The following CBL variants were observed in gnomAD, a reference collection of about 807,000 sequenced individuals.
CBL encodes Cbl proto-oncogene.
A neutral mutation model predicts 96.9 loss-of-function variants in CBL; 45 were observed. That is an observed-to-expected ratio of 0.46 (90% confidence interval 0.37 to 0.60). CBL has a LOEUF of 0.60. Among genes scored for constraint, CBL ranks in the 20% least tolerant of loss-of-function variants. CBL has a pLI of 0.00. For missense variants in CBL, 1,024 were observed against 1,143.5 expected (o/e 0.90, Z 1.51); for synonymous variants, 420 against 426.8 (o/e 0.98, Z 0.20).
At chr11:119,278,042 C>A in intron 7 of CBL, 124 bp from the exon 8 acceptor site, 1 of 948,084 alleles carries the variant, frequency 1.1e-6, no homozygotes, top group Non-Finnish European at 1.6e-6. Flanking sequence ...AAAAATAAAC[C>A]ACTGTTGTGA....
chr11:119,251,205 C>G (rs965707476), intron 2 of CBL, among the ~76,000 whole-genome samples: 1 of 152,178 alleles, frequency 6.6e-6, no homozygotes, highest in African/African-American at 2.4e-5. Flanking sequence ...AGCACTTTCT[C>G]TGTGTCAGGT....
intron 2 of CBL, among the ~76,000 whole-genome samples, chr11:119,267,052 C>T (rs1949808061): frequency 1.3e-5 from 2 of 152,146 alleles, no homozygotes; most frequent in Admixed American, 1.3e-4. Context: ...ACAGATTCTG[C>T]TGATTAAATT....
At chr11:119,282,145 C>T (rs1949940480) in intron 9 of CBL, among the ~76,000 whole-genome samples, 1 of 145,140 alleles carries the variant, frequency 6.9e-6, no homozygotes, top group African/African-American at 2.9e-5. Flanking sequence ...CCATACCAGC[C>T]TGGCCAGTGT....
chr11:119,224,163 A>G (rs755574479), intron 1 of CBL, among the ~76,000 whole-genome samples: 18 of 152,204 alleles, frequency 1.2e-4, no homozygotes, highest in Non-Finnish European at 1.9e-4. Context: ...TGGAGGGGAC[A>G]TGGTACTAGT....
chr11:119,232,497 C>A lies in CBL; in HGVS notation c.245C>A (p.Pro82His). 6.2e-7 allele frequency: 1 copy of A among 1,614,018 alleles called. No homozygotes were observed. The highest frequency in any genetic ancestry group is 8.5e-7 in the Non-Finnish European group (1 of 1,179,920). Residue 82 changes from proline (P) to histidine (H), a missense_variant, in exon 2 of 16, where the codon CCT (proline) becomes CAT (histidine). Transcript: ENST00000264033. ...AAGCTGGCGCTAAAGAATAGCCCAC[C>A]TTATATCTTAGACCTGCTACCAGAT... The part of the protein sequence containing the change: ...NPKLALKNSP[P>H]YILDLLPDTY...
chr11:119,295,807 C>G (rs1483690686), intron 12 of CBL, among the ~76,000 whole-genome samples: 3 of 152,064 alleles, frequency 2.0e-5, no homozygotes, highest in Non-Finnish European at 4.4e-5. Flanking sequence ...CAGTGAACAC[C>G]CATATACTGA....
intron 1 of CBL, among the ~76,000 whole-genome samples, chr11:119,220,006 C>A (rs560705304): frequency 6.6e-6 from 1 of 151,908 alleles, no homozygotes; most frequent in Admixed American, 6.6e-5. Context: ...TGCGCCACCA[C>A]GCCCGGCTAA....
rs935551846 is a variant in CBL, at chr11:119,307,712, A to C, written c.*7931A>C. ...AGACAGAAATTTTAAAGTCCTCCTT[A>C]TTCAAGATTTTGAAATTCTTAGCCT... On this transcript the variant is annotated 3_prime_UTR_variant, in exon 16 of 16. Transcript: ENST00000264033. 4.5e-6 allele frequency: 1 copy of C among 224,398 alleles called. No individual in the cohort carries two copies. The highest frequency in any genetic ancestry group is 2.2e-5 in the African/African-American group (1 of 44,860). 13.9% of individuals were successfully genotyped at this position (224,398 alleles called of 1,614,324 possible).
intron 2 of CBL, among the ~76,000 whole-genome samples, chr11:119,245,942 C>CA (rs1430679988): frequency 1.5e-5 from 2 of 131,512 alleles, no homozygotes; most frequent in African/African-American, 5.5e-5. Context: ...AAGACAGACG[C>CA]ATTCTTTGCA....
In CBL at chr11:119,285,243, C is replaced by T. The variant is rs764340189; in HGVS notation, c.1618C>T (p.Arg540Ter). 1.9e-6 allele frequency: 3 copies of T among 1,614,146 alleles called. No homozygotes were observed. Among genetic ancestry groups the T allele is most frequent in the Non-Finnish European group, 1.7e-6 (2 of 1,180,010 alleles). Residue 540 changes from arginine to a stop codon, truncating the protein, a stop_gained, in exon 11 of 16, where the codon CGA (arginine) becomes TGA (stop). Coordinates refer to ENST00000264033, the MANE Select transcript of CBL (RefSeq NM_005188.4). LOFTEE classifies it high-confidence loss of function. ...ACCATTGCCAGTACCTCCCACACTT[C>T]GAGATCTTCCACCACCACCGCCTCC... Reference protein sequence around the residue: ...DKPLPVPPTLRDLPPPPPPDR... With the variant: ...DKPLPVPPTL
intron 2 of CBL, among the ~76,000 whole-genome samples, chr11:119,256,556 C>A (rs887374383): frequency 2.6e-5 from 4 of 151,640 alleles, no homozygotes; most frequent in Admixed American, 6.6e-5. Context: ...TTAGATTTTT[C>A]TTTTTAAAAA....
At chr11:119,207,125 C>G (rs1378765291) in intron 1 of CBL, among the ~76,000 whole-genome samples, 5 of 152,024 alleles carry the variant, frequency 3.3e-5, no homozygotes, top group African/African-American at 1.2e-4. Context: ...GGAAGCTGTG[C>G]TCTGGGTGAG....
chr11:119,261,180 C>G (rs866090166), intron 2 of CBL, among the ~76,000 whole-genome samples: 7 of 152,030 alleles, frequency 4.6e-5, no homozygotes, highest in Non-Finnish European at 8.8e-5. Context: ...TCCCAAAGTG[C>G]TAGGATTACA....
chr11:119,252,794 T>C (rs1312798663), intron 2 of CBL, among the ~76,000 whole-genome samples: 1 of 151,068 alleles, frequency 6.6e-6, no homozygotes, highest in Non-Finnish European at 1.5e-5. Context: ...GGCAGGAGAA[T>C]TGCTTCAACA....
At chr11:119,232,370 A>G (rs1326763684) in intron 1 of CBL, 78 bp from the exon 2 acceptor site, 13 of 1,506,844 alleles carry the variant, frequency 8.6e-6, no homozygotes, top group Non-Finnish European at 1.2e-5. Flanking sequence ...CACATATTTC[A>G]TAACTTTCTT....
At chr11:119,253,416 G>A (rs1251981749) in intron 2 of CBL, among the ~76,000 whole-genome samples, 2 of 134,298 alleles carry the variant, frequency 1.5e-5, no homozygotes, top group Admixed American at 7.9e-5. Flanking sequence ...CCAGGAGTTC[G>A]ATCCAGCCTG....
intron 2 of CBL, among the ~76,000 whole-genome samples, chr11:119,270,060 A>G (rs1054891575): frequency 6.6e-6 from 1 of 152,154 alleles, no homozygotes; most frequent in African/African-American, 2.4e-5. Context: ...ACATAAATAC[A>G]AATTATTGGG....
At chr11:119,210,031 A>G (rs1174350233) in intron 1 of CBL, among the ~76,000 whole-genome samples, 1 of 152,218 alleles carries the variant, frequency 6.6e-6, no homozygotes, top group Non-Finnish European at 1.5e-5. Flanking sequence ...CCAAAAGACA[A>G]TTAGGCAGGG....
Position 119,298,552 on chromosome 11 carries a change from G to C in CBL, c.2434+12G>C, listed in dbSNP as rs1217504396. On this transcript the variant is annotated intron_variant, in intron 15 of 15. Coordinates refer to ENST00000264033, the MANE Select transcript of CBL (RefSeq NM_005188.4). ...TGATCCTACAACAAGTGAGTCTCCA[G>C]ACTACTTTGGGTTTGTCCTGAATGG... 4 of 1,613,564 alleles carry C rather than the reference G, an allele frequency of 2.5e-6. No individual in the cohort carries two copies. The South Asian group carries it at 4.4e-5, about 18-fold the overall frequency.
Sources: gnomAD v4.1 joint callset for allele counts (sites outside exome capture counted in the v4.1 genomes callset) on GRCh38, gnomAD v4.1.1 for gene constraint, MANE v1.5 for transcripts, NCBI Gene and HGNC (gene_info 2026-07-23, HGNC 2026-07-21) for gene names.